RERE: variants seen among roughly 807,000 people sequenced by gnomAD.
RERE encodes arginine-glutamic acid dipeptide repeats protein.
A neutral mutation model predicts 146.1 loss-of-function variants in RERE; 40 were observed. The observed-to-expected ratio is 0.27, with a 90% CI of 0.21 to 0.36. RERE has a LOEUF of 0.36. RERE is among the 10% of genes least tolerant of loss of function. The pLI is 1.00. For missense variants in RERE, 1,933 were observed against 2,138.7 expected, an observed-to-expected ratio of 0.90 and a Z score of 1.90; for synonymous variants, 1,003 against 866.0, an observed-to-expected ratio of 1.16 and a Z score of -2.78.
At chr1:8,456,743 C>T (rs1220242511) in intron 11 of RERE, among the ~76,000 whole-genome samples, 1 of 152,216 alleles carries the variant, frequency 6.6e-6, no homozygotes, top group African/African-American at 2.4e-5. Context: ...CATGCTCCCA[C>T]CTCAGGGCCT....
At chr1:8,440,942 T>G (rs1028719280) in intron 11 of RERE, among the ~76,000 whole-genome samples, 3 of 140,794 alleles carry the variant, frequency 2.1e-5, no homozygotes, top group African/African-American at 5.3e-5. Flanking sequence ...AACTGCTCTA[T>G]GAACACACTA....
intron 1 of RERE, among the ~76,000 whole-genome samples, chr1:8,804,903 C>A (rs1324636196): frequency 6.6e-6 from 1 of 151,762 alleles, no homozygotes. Flanking sequence ...CCACTCACTG[C>A]TGAATCTAAT....
At chr1:8,496,729 G>C (rs577443704) in intron 9 of RERE, among the ~76,000 whole-genome samples, 4 of 152,122 alleles carry the variant, frequency 2.6e-5, no homozygotes, top group Admixed American at 6.6e-5. Context: ...TGCATCGAAG[G>C]CATTTGTATG....
At chr1:8,498,911 T>C (rs184042325) in intron 8 of RERE, among the ~76,000 whole-genome samples, 285 of 152,114 alleles carry the variant, frequency 1.9e-3, no homozygotes, top group African/African-American at 6.4e-3. Flanking sequence ...TCACGGCAGA[T>C]TGAAAAGCAT....
Position 8,364,753 on chromosome 1 carries a change from G to A in RERE, c.1533C>T (p.Phe511=), listed in dbSNP as rs1383867620. Residue 511 remains phenylalanine (F), a synonymous_variant, in exon 14 of 23, where the codon TTC becomes TTT. Transcript: ENST00000400908. The surrounding 1 kb of genome is among the most constrained non-coding windows in gnomAD (Gnocchi z 5.1). ...CGTGACGAGGCCACTTACTGGTGGT[G>A]AAGCAGTGGCGGCAGGCGTACCCCT... The part of the protein sequence containing the change: ...ELKGYACRHC[F]TTTSKDWHHG... The A allele has an allele frequency of 2.5e-6, 4 of 1,612,738 alleles. No individual in the cohort carries two copies. The African/African-American group carries it at 5.3e-5, about 22-fold the overall frequency.
intron 4 of RERE, among the ~76,000 whole-genome samples, chr1:8,587,005 G>A (rs1469569203): frequency 6.6e-6 from 1 of 152,130 alleles, no homozygotes; most frequent in Admixed American, 6.6e-5. Context: ...ACATTTATGG[G>A]AGAACTTGCA....
At chr1:8,405,805 A>G (rs1643421679) in intron 12 of RERE, among the ~76,000 whole-genome samples, 1 of 151,948 alleles carries the variant, frequency 6.6e-6, no homozygotes, top group Admixed American at 6.6e-5. Context: ...CGCCCAGCTA[A>G]TTTTTGTATT....
intron 7 of RERE, among the ~76,000 whole-genome samples, chr1:8,531,546 TAATA>T (rs1322871118): frequency 6.6e-6 from 1 of 152,210 alleles, no homozygotes; most frequent in Non-Finnish European, 1.5e-5. Flanking sequence ...TATACTTTAT[TAATA>T]AATGTTCATT....
intron 1 of RERE, chr1:8,786,167 C>A: frequency 1.7e-6 from 1 of 594,918 alleles, no homozygotes; most frequent in South Asian, 1.6e-5. Context: ...TTAAACTGAT[C>A]AGACTAGAAA....
At chr1:8,764,977 A>G (rs1640820619) in intron 1 of RERE, among the ~76,000 whole-genome samples, 1 of 152,242 alleles carries the variant, frequency 6.6e-6, no homozygotes, top group Non-Finnish European at 1.5e-5. Context: ...ATACCCCCCA[A>G]AAATTTCACT....
At chr1:8,690,391 C>A (rs971595074) in intron 1 of RERE, among the ~76,000 whole-genome samples, 6 of 152,190 alleles carry the variant, frequency 3.9e-5, no homozygotes, top group Admixed American at 2.0e-4. Context: ...TACTATAGCA[C>A]TTGGGGAACG....
intron 2 of RERE, among the ~76,000 whole-genome samples, chr1:8,650,589 C>A (rs1349617064): frequency 6.6e-6 from 1 of 152,036 alleles, no homozygotes; most frequent in Non-Finnish European, 1.5e-5. Context: ...GTGGTAAAAC[C>A]CTGTCTCTAC....
chr1:8,530,427 A>G (rs190443780), intron 7 of RERE, among the ~76,000 whole-genome samples: 139 of 152,286 alleles, frequency 9.1e-4, no homozygotes, highest in Non-Finnish European at 1.4e-3. Flanking sequence ...ATCTTAAAGA[A>G]TTTCCTACTT....
rs531847777 is a variant in RERE, at chr1:8,809,896, G to A, written c.-145+7264C>T. On this transcript the variant is annotated intron_variant, in intron 1 of 22. Transcript: ENST00000400908. ...CAAATGAGTGAGAAGGTTATAACAA[G>A]AACTGAAGAAAAGGTATTTAAGTGG... Among the ~76,000 whole-genome samples the A allele has an allele frequency of 2.6e-5, 4 of 152,272 alleles. No homozygotes were observed. In the East Asian group the frequency reaches 7.7e-4, roughly 29 times the overall value.
At chr1:8,643,135 T>C (rs1204126761) in intron 2 of RERE, among the ~76,000 whole-genome samples, 1 of 152,070 alleles carries the variant, frequency 6.6e-6, no homozygotes, top group African/African-American at 2.4e-5. Context: ...GATCCAAGAA[T>C]TGAAAATCCT....
chr1:8,797,644 T>G (rs1641504098), intron 1 of RERE, among the ~76,000 whole-genome samples: 1 of 152,234 alleles, frequency 6.6e-6, no homozygotes, highest in Non-Finnish European at 1.5e-5. Context: ...GGTTTTATAT[T>G]TAAAACATTT....
In RERE at chr1:8,356,172, G is replaced by A; in HGVS notation, c.4414C>T (p.Pro1472Ser). The A allele has an allele frequency of 6.6e-7, 1 of 1,522,382 alleles. No homozygotes were observed. The highest frequency in any genetic ancestry group is 1.3e-5 in the South Asian group (1 of 77,820). 94.3% of individuals were successfully genotyped at this position (1,522,382 alleles called of 1,614,324 possible). Residue 1472 changes from proline (P) to serine (S), a missense_variant, in exon 21 of 23, where the codon CCT becomes TCT. Pro to Ser is a moderately conservative substitution (Grantham distance 74). Transcript: ENST00000400908. The surrounding 1 kb of genome is among the most constrained non-coding windows in gnomAD (Gnocchi z 5.2). ...AGCAGAGGGTTGGGGAGAGTGCCAG[G>A]CGGGTAGGGGAAGCGAGCCAGGTGG... ...GPHLARFPYP[P>S]GTLPNPLLGQ...
At chr1:8,454,966 C>T (rs868574753) in intron 11 of RERE, among the ~76,000 whole-genome samples, 1 of 152,104 alleles carries the variant, frequency 6.6e-6, no homozygotes, top group African/African-American at 2.4e-5. Context: ...TCTCCACAAA[C>T]CACCAGGCCT....
In RERE at chr1:8,516,227, G is replaced by GAAAAAAAAAAAAAAAAAA. The variant is rs58064164; in HGVS notation, c.831-7570_831-7553dup. 6.5e-3 allele frequency among the ~76,000 whole-genome samples: 342 copies of GAAAAAAAAAAAAAAAAAA among 52,294 alleles called. 27 individuals carry two copies. The highest frequency in any genetic ancestry group is 0.013 in the Middle Eastern group (1 of 80). 34.3% of individuals were successfully genotyped at this position (52,294 alleles called of 152,430 possible). On this transcript the variant is annotated intron_variant, in intron 7 of 22. Coordinates refer to ENST00000400908, the MANE Select transcript of RERE (RefSeq NM_001042681.2). ...GGGACGGAGCAAGACTCTCTCAGAG[G>GAAAAAAAAAAAAAAAAAA]AAAAAAAAAAAAAAAAAAAAAATCT... is the stretch of plus-strand genomic sequence containing the variant.
Sources: gnomAD v4.1 joint callset for allele counts (sites outside exome capture counted in the v4.1 genomes callset) on GRCh38, gnomAD v4.1.1 for gene constraint, Gnocchi (gnomAD v3.1) non-coding constraint, MANE v1.5 for transcripts, NCBI Gene and HGNC (gene_info 2026-07-23, HGNC 2026-07-21) for gene names.